ATP11A: variants seen among roughly 807,000 people sequenced by gnomAD.
The protein encoded by ATP11A is phospholipid-transporting ATPase IH.
Under a neutral mutation model 154.4 loss-of-function variants are expected in ATP11A, and 81 were observed. The ratio of observed to expected loss-of-function variants is 0.52; its 90% CI spans 0.44 to 0.63. The LOEUF (loss-of-function observed/expected upper bound fraction) is 0.63, where lower values mean the gene tolerates loss of function less well. ATP11A is among the 30% of genes least tolerant of loss of function. The pLI, the probability that ATP11A is intolerant of heterozygous loss-of-function variation, is 0.00. For synonymous variants in ATP11A, 623 were observed against 585.9 expected, an observed-to-expected ratio of 1.06 and a Z score of -0.91; for missense variants, 1,316 against 1,474.3, an observed-to-expected ratio of 0.89 and a Z score of 1.76.
At chr13:112,820,224 G>A (rs2078762395) in intron 8 of ATP11A, among the ~76,000 whole-genome samples, 1 of 152,196 alleles carries the variant, frequency 6.6e-6, no homozygotes, top group Admixed American at 6.5e-5. Context: ...TCAGGGTCCC[G>A]TGGAGCAGTT....
At chr13:112,845,796 AG>A (rs548361614) in intron 17 of ATP11A, among the ~76,000 whole-genome samples, 6,896 of 77,790 alleles carry the variant, frequency 0.089, 144 homozygotes, top group African/African-American at 0.11. Context: ...TCCAGTTTCC[AG>A]GCACTAGTGA....
intron 12 of ATP11A, 112 bp downstream of exon 12, chr13:112,827,003 G>A (rs536097967): frequency 1.4e-5 from 15 of 1,068,224 alleles, no homozygotes; most frequent in South Asian, 1.4e-4. Context: ...TGTAGCTGGC[G>A]TAAGACAGCA....
At chr13:112,862,663 A>G in intron 25 of ATP11A, 88 bp downstream of exon 25, 1 of 1,563,908 alleles carries the variant, frequency 6.4e-7, no homozygotes, top group Non-Finnish European at 8.7e-7. Context: ...AGCAGAATTC[A>G]GTGCAGCCCA....
At chr13:112,842,551 C>T (rs570160816) in intron 17 of ATP11A, among the ~76,000 whole-genome samples, 172 bp downstream of exon 17, 6 of 152,328 alleles carry the variant, frequency 3.9e-5, no homozygotes, top group Non-Finnish European at 8.8e-5. Flanking sequence ...CGGCACCGAC[C>T]CCAGGGGGCC....
At chr13:112,700,905 A>G (rs2139491485) in intron 1 of ATP11A, among the ~76,000 whole-genome samples, 1 of 152,188 alleles carries the variant, frequency 6.6e-6, no homozygotes, top group Non-Finnish European at 1.5e-5. Flanking sequence ...ATCCATCTCC[A>G]CGTGCGTGGG....
intron 1 of ATP11A, among the ~76,000 whole-genome samples, chr13:112,720,551 CTGTT>C (rs768684758): frequency 5.9e-5 from 9 of 151,966 alleles, no homozygotes; most frequent in Non-Finnish European, 1.0e-4. Context: ...TGGGTAGAGT[CTGTT>C]TGTTTTTTTT....
At chr13:112,755,675 C>T (rs540860375) in intron 1 of ATP11A, among the ~76,000 whole-genome samples, 29 of 149,950 alleles carry the variant, frequency 1.9e-4, no homozygotes, top group Non-Finnish European at 3.8e-4. Context: ...ATCAGAGCGG[C>T]TCCCAGAACC....
At chr13:112,796,397 A>C (rs983829742) in intron 2 of ATP11A, among the ~76,000 whole-genome samples, 1 of 152,200 alleles carries the variant, frequency 6.6e-6, no homozygotes, top group Non-Finnish European at 1.5e-5. Context: ...AGAACTATTC[A>C]TGTGGCCAAA....
At chr13:112,853,957 C>T (rs1351521483) in intron 18 of ATP11A, among the ~76,000 whole-genome samples, 1 of 152,162 alleles carries the variant, frequency 6.6e-6, no homozygotes, top group Non-Finnish European at 1.5e-5. Flanking sequence ...CTGAAACCCT[C>T]CCCAGGTAGT....
intron 15 of ATP11A, among the ~76,000 whole-genome samples, chr13:112,835,415 T>G (rs1296795126): frequency 1.3e-5 from 2 of 152,246 alleles, no homozygotes; most frequent in Non-Finnish European, 2.9e-5. Flanking sequence ...ACAAATCCCT[T>G]GATTCGGCGG....
intron 1 of ATP11A, among the ~76,000 whole-genome samples, chr13:112,759,518 C>G (rs764795101): frequency 6.6e-6 from 1 of 152,218 alleles, no homozygotes; most frequent in Non-Finnish European, 1.5e-5. Flanking sequence ...GTGACGATGA[C>G]TTTTCAGTTT....
At chr13:112,729,365 C>T (rs1438859024) in intron 1 of ATP11A, among the ~76,000 whole-genome samples, 1 of 152,246 alleles carries the variant, frequency 6.6e-6, no homozygotes, top group Non-Finnish European at 1.5e-5. Flanking sequence ...CAGCACAGTC[C>T]CCTCGCCTTA....
At chr13:112,850,659 A>G (rs2079738223) in intron 17 of ATP11A, among the ~76,000 whole-genome samples, 1 of 152,022 alleles carries the variant, frequency 6.6e-6, no homozygotes, top group Non-Finnish European at 1.5e-5. Context: ...ATTACAAATG[A>G]TTATCCTTAA....
At position 112,842,323 on chromosome 13, in the gene ATP11A, C is replaced by T. The variant is rs769303553; in HGVS notation, c.1753C>T (p.Arg585Ter). The change falls in exon 17 of 30, where the codon CGA becomes TGA. Residue 585 changes from arginine to a stop codon, truncating the protein, a stop_gained. Transcript: ENST00000375645. LOFTEE classifies it high-confidence loss of function. ...CKGADSSIFPRVIEGKVDQIR... is the reference protein window; with the variant it reads ...CKGADSSIFP The stretch of plus-strand genomic sequence containing the variant: ...AGGAGCAGATTCTTCGATATTCCCC[C>T]GAGTGATAGAAGGCAAAGTTGACCA... 5 of 1,611,986 alleles carry T rather than the reference C, an allele frequency of 3.1e-6. No homozygotes were observed. The highest frequency in any genetic ancestry group is 1.7e-5 in the Admixed American group (1 of 59,786).
intron 1 of ATP11A, among the ~76,000 whole-genome samples, chr13:112,698,115 T>C (rs1425153124): frequency 6.6e-6 from 1 of 152,174 alleles, no homozygotes; most frequent in Non-Finnish European, 1.5e-5. Flanking sequence ...TTTGAACTTC[T>C]TGCTGACATT....
intron 1 of ATP11A, among the ~76,000 whole-genome samples, chr13:112,772,329 C>T (rs1355166113): frequency 2.6e-5 from 4 of 152,314 alleles, no homozygotes; most frequent in Middle Eastern, 3.4e-3. Context: ...GGGTGCTGAC[C>T]TGGAGCGGCT....
intron 1 of ATP11A, chr13:112,745,725 C>T (rs1416533057): frequency 6.6e-6 from 1 of 151,830 alleles, no homozygotes; most frequent in Non-Finnish European, 1.5e-5. Context: ...GAGGCAGGAC[C>T]CAGGCTTGGT....
At position 112,824,420 on chromosome 13, in the gene ATP11A, G is replaced by A. The variant is rs1458649523; in HGVS notation, c.867G>A (p.Val289=). Residue 289 remains valine, a synonymous_variant, in exon 10 of 30, where the codon GTG becomes GTA. Coordinates refer to ENST00000375645, the MANE Select transcript of ATP11A (RefSeq NM_015205.3). The part of the protein sequence containing the change: ...YQSKSQKRSA[V]EKSMNAFLIV... ...CAAAATCTCAGAAGCGATCTGCCGT[G>A]GAAAAGTAAGGCTGGATGCGCGTGA... The A allele has an allele frequency of 6.2e-7, 1 of 1,614,040 alleles. No individual in the cohort carries two copies. The highest frequency in any genetic ancestry group is 1.7e-5 in the Admixed American group (1 of 60,018).
At chr13:112,873,783 A>G (rs2080624204) in intron 27 of ATP11A, 107 bp downstream of exon 27, 2 of 1,123,558 alleles carry the variant, frequency 1.8e-6, no homozygotes, top group East Asian at 2.5e-5. Flanking sequence ...GGTTGGGGCA[A>G]GTGTTTGTTG....
Sources: allele counts gnomAD v4.1 joint callset (sites outside exome capture counted in the v4.1 genomes callset), GRCh38; gene constraint gnomAD v4.1.1; transcripts MANE v1.5; gene names NCBI Gene and HGNC (gene_info 2026-07-23, HGNC 2026-07-21).